The following FAM228B variants were observed in gnomAD, a reference collection of about 807,000 sequenced individuals.
The protein encoded by FAM228B is protein FAM228B.
FAM228B carries 38 observed loss-of-function variants against 42.6 expected under a neutral mutation model. The observed-to-expected ratio is 0.89, with a 90% CI of 0.69 to 1.17. The LOEUF is 1.17. Ranked by LOEUF, FAM228B falls within the 50% of genes most tolerant of loss-of-function variation. The pLI is 0.00. For synonymous variants in FAM228B, 109 were observed against 122.3 expected, an observed-to-expected ratio of 0.89 and a Z score of 0.72; for missense variants, 344 against 367.3, an observed-to-expected ratio of 0.94 and a Z score of 0.52.
intron 3 of FAM228B, among the ~76,000 whole-genome samples, chr2:24,108,205 T>G (rs924034418): frequency 3.3e-5 from 5 of 152,118 alleles, no homozygotes; most frequent in African/African-American, 1.2e-4. Flanking sequence ...ACATACAGCT[T>G]CCTAAGACTG....
At chr2:24,101,681 TA>T (rs757322196) in intron 3 of FAM228B, among the ~76,000 whole-genome samples, 19 of 152,210 alleles carry the variant, frequency 1.2e-4, no homozygotes, top group African/African-American at 2.9e-4. Context: ...TATTTTATTT[TA>T]TTTTTTTATT....
In FAM228B at chr2:24,137,949, C is replaced by T. The variant is rs1317899218; in HGVS notation, c.209C>T (p.Ala70Val). The T allele has an allele frequency of 6.5e-7, 1 of 1,539,520 alleles. No homozygotes were observed. Among genetic ancestry groups the T allele is most frequent in the African/African-American group, 1.4e-5 (1 of 72,032 alleles). ...KYLQHHAFLN[A>V]RRKEMLYKRW... The stretch of plus-strand genomic sequence containing the variant: ...TTACAACATCATGCCTTCTTAAATG[C>T]AAGAAGAAAGGAGATGTTATATAAA... Residue 70 changes from alanine to valine, a missense_variant, in exon 4 of 11, where the codon GCA becomes GTA. Coordinates refer to ENST00000615575, the MANE Select transcript of FAM228B (RefSeq NM_001145710.2).
At chr2:24,122,954 A>G (rs1378850665), upstream of FAM228B, 1 of 154,942 alleles carries the variant, frequency 6.5e-6, no homozygotes, top group African/African-American at 2.4e-5. Context: ...CGACTAAAAG[A>G]GATTATGCGT....
chr2:24,090,224 C>A (rs1339123938), intron 2 of FAM228B, among the ~76,000 whole-genome samples: 1 of 151,064 alleles, frequency 6.6e-6, no homozygotes, highest in African/African-American at 2.4e-5. Context: ...GCCGAGATTG[C>A]GCCACTGCAC....
At chr2:24,158,752 A>T (rs1449516601) in intron 7 of FAM228B, among the ~76,000 whole-genome samples, 2 of 152,202 alleles carry the variant, frequency 1.3e-5, no homozygotes, top group Non-Finnish European at 2.9e-5. Context: ...TTTGGTGACT[A>T]CATTTGGAGG....
intron 5 of FAM228B, chr2:24,142,724 A>G (rs1035900271): frequency 2.0e-5 from 3 of 152,254 alleles, no homozygotes; most frequent in African/African-American, 7.2e-5. Flanking sequence ...ACTACTGACA[A>G]TATTTGTTGC....
intron 7 of FAM228B, among the ~76,000 whole-genome samples, chr2:24,154,702 C>T (rs1209154074): frequency 1.3e-5 from 2 of 152,298 alleles, no homozygotes; most frequent in African/African-American, 2.4e-5. Context: ...TCCTGCCTCT[C>T]GTGGGAGGGA....
rs1373608668 is a variant in FAM228B, at chr2:24,080,363, AAAAG to A, written c.-289-507_-289-504del. Among the ~76,000 whole-genome samples, 23 of 152,010 alleles carry A rather than the reference AAAAG, an allele frequency of 1.5e-4. No individual in the cohort carries two copies. The highest frequency in any genetic ancestry group is 8.3e-4 in the South Asian group (4 of 4,802). On this transcript the variant is annotated intron_variant, in intron 1 of 10. Coordinates refer to the FAM228B transcript ENST00000613899. The surrounding 1 kb of genome is among the most constrained non-coding windows in gnomAD (Gnocchi z 4.7). ...GAGTGAGACTCCATCTCAAAAAAAA[AAAAG>A]AAAGAGAAACGGAAAGGGATGAGCC...
intron 2 of FAM228B, chr2:24,085,096 T>A (rs987795779): frequency 6.6e-6 from 1 of 152,200 alleles, no homozygotes; most frequent in Non-Finnish European, 1.5e-5. Flanking sequence ...GCGGGCGGAT[T>A]GGTCCATTTT....
intron 2 of FAM228B, among the ~76,000 whole-genome samples, chr2:24,125,709 C>T (rs968983258): frequency 6.6e-6 from 1 of 152,090 alleles, no homozygotes; most frequent in Non-Finnish European, 1.5e-5. Context: ...TACAGGCCTG[C>T]GCCACCACAC....
At position 24,077,825 on chromosome 2, in the gene FAM228B, CCTCAGCCTT is replaced by C. The variant is rs1664826494; in HGVS notation, c.-290+859_-290+867del. 2.7e-5 allele frequency: 41 copies of C among 1,540,872 alleles called. No homozygotes were observed. The highest frequency in any genetic ancestry group is 3.1e-5 in the Non-Finnish European group (35 of 1,138,956). ...AGCCTCACCCTGCCCTCCTCATCCT[CCTCAGCCTT>C]CTTGCTCTCTCTGAAGCCACGTATC... On this transcript the variant is annotated intron_variant, in intron 1 of 10. Coordinates refer to the FAM228B transcript ENST00000613899. This position sits in a 1 kb window ranked among gnomAD's most constrained non-coding sequence, Gnocchi z 5.5.
At chr2:24,138,945 CA>C (rs35466262) in intron 4 of FAM228B, among the ~76,000 whole-genome samples, 7,560 of 134,072 alleles carry the variant, frequency 0.056, 220 homozygotes, top group Middle Eastern at 0.085. Flanking sequence ...GACTCTGTCT[CA>C]AAAAAAAAAA....
chr2:24,167,606 A>G (rs957919419), intron 9 of FAM228B, 21 bp from the exon 10 acceptor site: 1 of 1,551,292 alleles, frequency 6.4e-7, no homozygotes, highest in Admixed American at 2.0e-5. Flanking sequence ...ATAATGACCA[A>G]AGCTTCAATC....
intron 1 of FAM228B, chr2:24,076,989 G>T: frequency 5.9e-6 from 1 of 168,106 alleles, no homozygotes; most frequent in South Asian, 1.1e-4. Flanking sequence ...GGAAGGGATC[G>T]GGGCCTGAGG....
chr2:24,102,046 A>C (rs1220594127), intron 3 of FAM228B, among the ~76,000 whole-genome samples: 1 of 152,194 alleles, frequency 6.6e-6, no homozygotes, highest in Non-Finnish European at 1.5e-5. Context: ...ATGGGAAAAA[A>C]ATTTCATCAT....
At chr2:24,124,539 T>C in intron 2 of FAM228B, 79 bp downstream of exon 2, 1 of 769,056 alleles carries the variant, frequency 1.3e-6, no homozygotes, top group Non-Finnish European at 2.1e-6. Context: ...GCTAAATATA[T>C]TGTTTTTTCT....
intron 3 of FAM228B, among the ~76,000 whole-genome samples, chr2:24,115,186 A>T (rs1016358877): frequency 3.9e-5 from 6 of 152,192 alleles, no homozygotes; most frequent in Non-Finnish European, 8.8e-5. Flanking sequence ...TCCTGATGGG[A>T]GACATCCCTT....
At chr2:24,113,287 C>A (rs562894140) in intron 3 of FAM228B, among the ~76,000 whole-genome samples, 113 of 152,212 alleles carry the variant, frequency 7.4e-4, no homozygotes, top group Non-Finnish European at 1.2e-3. Context: ...CAAAAAGAAT[C>A]AAAGGCCAGA....
chr2:24,165,475 C>T (rs1325922461), intron 9 of FAM228B: 2 of 470,992 alleles, frequency 4.2e-6, no homozygotes, highest in Admixed American at 2.3e-5. Context: ...CAAGGATCCT[C>T]AGGTCCCAGA....
Sources: gnomAD v4.1 joint callset for allele counts (sites outside exome capture counted in the v4.1 genomes callset) on GRCh38, gnomAD v4.1.1 for gene constraint, Gnocchi (gnomAD v3.1) non-coding constraint, MANE v1.5 for transcripts, NCBI Gene and HGNC (gene_info 2026-07-23, HGNC 2026-07-21) for gene names.